The following FNBP1L variants were observed in gnomAD, a reference collection of about 807,000 sequenced individuals.
FNBP1L encodes the protein formin binding protein 1 like.
FNBP1L carries 36 observed loss-of-function variants against 91.2 expected under a neutral mutation model. That is an observed-to-expected ratio of 0.39 (90% CI 0.30 to 0.52). The LOEUF (loss-of-function observed/expected upper bound fraction) is 0.52, where lower values mean the gene tolerates loss of function less well. FNBP1L is among the 20% of genes least tolerant of loss of function. The pLI, the probability that FNBP1L is intolerant of heterozygous loss-of-function variation, is 0.66. For missense variants in FNBP1L, 571 were observed against 732.1 expected, an observed-to-expected ratio of 0.78 and a Z score of 2.54; for synonymous variants, 242 against 237.0, an observed-to-expected ratio of 1.02 and a Z score of -0.19.
intron 5 of FNBP1L, among the ~76,000 whole-genome samples, chr1:93,527,562 T>A (rs934013243): frequency 2.0e-5 from 3 of 152,148 alleles, no homozygotes; most frequent in Admixed American, 6.5e-5. Context: ...GGCAAGAAAT[T>A]GGAAGTCTTT....
intron 1 of FNBP1L, among the ~76,000 whole-genome samples, chr1:93,470,305 G>A (rs191477439): frequency 6.6e-6 from 1 of 151,964 alleles, no homozygotes; most frequent in Admixed American, 6.6e-5. Context: ...TAATTTTTTT[G>A]TGTGTGGATA....
At chr1:93,487,880 C>T (rs1347359805) in intron 1 of FNBP1L, among the ~76,000 whole-genome samples, 4 of 152,178 alleles carry the variant, frequency 2.6e-5, no homozygotes, top group African/African-American at 9.7e-5. Context: ...CGTGTATCTT[C>T]AGCAGGACCA....
At chr1:93,549,927 A>G (rs748049544) in intron 15 of FNBP1L, among the ~76,000 whole-genome samples, 4 of 152,218 alleles carry the variant, frequency 2.6e-5, no homozygotes, top group East Asian at 1.9e-4. Context: ...GCTACTGACT[A>G]TGTTATCTCT....
intron 1 of FNBP1L, among the ~76,000 whole-genome samples, chr1:93,469,248 C>G (rs1354536405): frequency 1.3e-5 from 2 of 151,058 alleles, no homozygotes; most frequent in Non-Finnish European, 1.5e-5. Context: ...CCCCCACCCC[C>G]CAACAGGCCC....
chr1:93,535,199 TA>T (rs1671805050), intron 9 of FNBP1L, among the ~76,000 whole-genome samples: 1 of 152,130 alleles, frequency 6.6e-6, no homozygotes. Context: ...TCAGAATTTT[TA>T]AGGAAACATG....
intron 2 of FNBP1L, among the ~76,000 whole-genome samples, chr1:93,516,364 G>C (rs1358834014): frequency 6.6e-6 from 1 of 152,118 alleles, no homozygotes; most frequent in Non-Finnish European, 1.5e-5. Context: ...CCTGTTAAAA[G>C]CTCCCTCCTT....
chr1:93,506,452 T>C (rs1252302456), intron 2 of FNBP1L, among the ~76,000 whole-genome samples: 1 of 152,178 alleles, frequency 6.6e-6, no homozygotes, highest in Admixed American at 6.5e-5. Context: ...TATTTTGTTT[T>C]CTATCGTTGG....
rs556685794 is a variant in FNBP1L at position 93,519,288 on chromosome 1, C to G, written c.141-2794C>G. On this transcript the variant is annotated intron_variant, in intron 2 of 16. Coordinates refer to ENST00000271234, the MANE Select transcript of FNBP1L (RefSeq NM_001164473.3). ...CTCTAGCTCATATTTGATGTTCCAG[C>G]AACATTGAACCCACTTACAGTTCTT... Among the ~76,000 whole-genome samples, 153 of 152,314 alleles carry G rather than the reference C, an allele frequency of 1.0e-3. 1 individual carries two copies. Among genetic ancestry groups the G allele is most frequent in the Admixed American group, 2.9e-3 (44 of 15,304 alleles).
At chr1:93,541,146 C>CA in intron 11 of FNBP1L, 90 bp downstream of exon 11, 6 of 1,243,688 alleles carry the variant, frequency 4.8e-6, no homozygotes, top group Non-Finnish European at 6.8e-6. Flanking sequence ...TGGTAAATTA[C>CA]ATCCCACGTT....
chr1:93,540,584 A>G (rs1672005473), intron 10 of FNBP1L, among the ~76,000 whole-genome samples: 2 of 152,150 alleles, frequency 1.3e-5, no homozygotes, highest in Admixed American at 1.3e-4. Flanking sequence ...ATAAAAATGT[A>G]GGTAATAGTG....
At chr1:93,504,236 C>T (rs1670531930) in intron 2 of FNBP1L, among the ~76,000 whole-genome samples, 1 of 152,138 alleles carries the variant, frequency 6.6e-6, no homozygotes, top group Non-Finnish European at 1.5e-5. Flanking sequence ...TACATAGCAG[C>T]TTTCTATTAA....
intron 1 of FNBP1L, among the ~76,000 whole-genome samples, chr1:93,456,658 T>C (rs1668675292): frequency 6.8e-6 from 1 of 147,826 alleles, no homozygotes; most frequent in Non-Finnish European, 1.5e-5. Context: ...TGGGCACCTG[T>C]AGTCCCAGCT....
At chr1:93,522,948 C>G in intron 3 of FNBP1L, among the ~76,000 whole-genome samples, 1 of 152,096 alleles carries the variant, frequency 6.6e-6, no homozygotes, top group East Asian at 1.9e-4. Context: ...TTCTGTAGAT[C>G]AGCCATCGAG....
At position 93,449,655 on chromosome 1, in the gene FNBP1L, A is replaced by T. The variant is rs147503578; in HGVS notation, c.24+1350A>T. 1.9e-3 allele frequency among the ~76,000 whole-genome samples: 291 copies of T among 152,334 alleles called. 2 individuals are homozygous for T. Among genetic ancestry groups the T allele is most frequent in the African/African-American group, 6.7e-3 (280 of 41,578 alleles). On this transcript the variant is annotated intron_variant, in intron 1 of 16. Transcript: ENST00000271234. The stretch of plus-strand genomic sequence containing the variant: ...TCTGTACAAGTGCTTACCCAGTCTG[A>T]AAACACACCACCCAAGAGAAAATAC...
chr1:93,520,103 C>T (rs189054648), intron 2 of FNBP1L, among the ~76,000 whole-genome samples: 143 of 152,296 alleles, frequency 9.4e-4, no homozygotes, highest in African/African-American at 3.4e-3. Flanking sequence ...TATCATAGCA[C>T]TTACCATGCA....
At chr1:93,527,419 G>T (rs536593843) in intron 5 of FNBP1L, among the ~76,000 whole-genome samples, 2 of 152,234 alleles carry the variant, frequency 1.3e-5, no homozygotes, top group Admixed American at 1.3e-4. Context: ...TAAGGGCTTG[G>T]ATTTCCAGGG....
intron 1 of FNBP1L, among the ~76,000 whole-genome samples, chr1:93,490,484 CACT>C (rs1197143474): frequency 6.6e-6 from 1 of 152,058 alleles, no homozygotes; most frequent in Non-Finnish European, 1.5e-5. Flanking sequence ...TAGAGCTCAC[CACT>C]GATACAGAGA....
chr1:93,460,065 A>G (rs1668812131), intron 1 of FNBP1L, among the ~76,000 whole-genome samples: 1 of 151,832 alleles, frequency 6.6e-6, no homozygotes, highest in African/African-American at 2.4e-5. Context: ...TCCAATGAGC[A>G]TTTCCTTTGA....
chr1:93,449,540 C>T (rs1156330623), intron 1 of FNBP1L, among the ~76,000 whole-genome samples: 1 of 152,152 alleles, frequency 6.6e-6, no homozygotes, highest in Non-Finnish European at 1.5e-5. Context: ...TTCACGTCTA[C>T]TCATAGATTG....
Sources: gnomAD v4.1 joint callset for allele counts (sites outside exome capture counted in the v4.1 genomes callset) on GRCh38, gnomAD v4.1.1 for gene constraint, MANE v1.5 for transcripts, NCBI Gene and HGNC (gene_info 2026-07-23, HGNC 2026-07-21) for gene names.